The following KIR3DL2 variants were observed in gnomAD, a reference collection of about 807,000 sequenced individuals.
KIR3DL2 encodes the protein killer cell immunoglobulin like receptor, three Ig domains and long cytoplasmic tail 2.
Under a neutral mutation model 41.6 loss-of-function variants are expected in KIR3DL2, and 42 were observed. The ratio of observed to expected loss-of-function variants is 1.01; its 90% CI spans 0.79 to 1.31. KIR3DL2 has a LOEUF of 1.31. KIR3DL2 is among the 50% of genes most tolerant of loss of function. The pLI is 0.00. For synonymous variants in KIR3DL2, 230 were observed against 221.3 expected, an observed-to-expected ratio of 1.04 and a Z score of -0.35; for missense variants, 728 against 576.8, an observed-to-expected ratio of 1.26 and a Z score of -2.68.
chr19:54,852,614 A>G (rs2064375760), intron 3 of KIR3DL2, among the ~76,000 whole-genome samples: 1 of 150,528 alleles, frequency 6.6e-6, no homozygotes, highest in Non-Finnish European at 1.5e-5. Flanking sequence ...GGTCCGCGTG[A>G]GAGGTGGAGG....
At chr19:54,866,449 G>A (rs200460307) in intron 8 of KIR3DL2, 27 bp downstream of exon 8, 51 of 1,613,820 alleles carry the variant, frequency 3.2e-5, no homozygotes, top group African/African-American at 8.0e-5. Context: ...CCAGCCTCAC[G>A]GATACAGTCT....
chr19:54,866,365 T>C lies in KIR3DL2; in HGVS notation c.1106-5T>C. 2 of 1,613,972 alleles carry C rather than the reference T, an allele frequency of 1.2e-6. No homozygotes were observed. The highest frequency in any genetic ancestry group is 1.7e-6 in the Non-Finnish European group (2 of 1,179,950). On this transcript the variant is annotated splice_region_variant and splice_polypyrimidine_tract_variant and intron_variant, in intron 7 of 8. Coordinates refer to ENST00000326321, the MANE Select transcript of KIR3DL2 (RefSeq NM_006737.4). ...AGCGGTTTTGATGACTTCCGTCTCC[T>C]ACAGATGCTGCTGTAATGGACCAAG...
chr19:54,856,035 G>A (rs545249148), intron 5 of KIR3DL2, 123 bp downstream of exon 5: 28 of 1,231,898 alleles, frequency 2.3e-5, no homozygotes, highest in African/African-American at 1.7e-4. Context: ...GGGTGTGAGG[G>A]GGGGGTCAGG....
At chr19:54,858,544 C>G (rs1469860375) in intron 5 of KIR3DL2, among the ~76,000 whole-genome samples, 4 of 151,032 alleles carry the variant, frequency 2.6e-5, no homozygotes, top group African/African-American at 7.4e-5. Flanking sequence ...GGCTGGCCAA[C>G]AGAGTGAAAC....
intron 6 of KIR3DL2, among the ~76,000 whole-genome samples, chr19:54,863,573 T>C (rs1261097329): frequency 2.0e-5 from 3 of 152,126 alleles, no homozygotes; most frequent in Admixed American, 6.5e-5. Flanking sequence ...TGGTATCTCA[T>C]TGTGGTTTTG....
intron 6 of KIR3DL2, 105 bp downstream of exon 6, chr19:54,859,234 G>A: frequency 1.9e-6 from 2 of 1,047,478 alleles, no homozygotes; most frequent in South Asian, 1.3e-5. Context: ...ATGAGGGCCT[G>A]TCTTCCACCA....
At chr19:54,860,604 A>G (rs1293750237) in intron 6 of KIR3DL2, among the ~76,000 whole-genome samples, 2 of 151,996 alleles carry the variant, frequency 1.3e-5, no homozygotes, top group South Asian at 4.2e-4. Flanking sequence ...CAAATTCCCA[A>G]CCTCAGGTGA....
At chr19:54,866,058 C>A in intron 7 of KIR3DL2, 149 bp downstream of exon 7, 1 of 790,422 alleles carries the variant, frequency 1.3e-6, no homozygotes, top group Non-Finnish European at 2.1e-6. Flanking sequence ...GAGCACCAGA[C>A]AACCTGCCCC....
chr19:54,859,450 G>GAGGGAAGGGAAGGGA (rs199624001), intron 6 of KIR3DL2, among the ~76,000 whole-genome samples: 1 of 152,084 alleles, frequency 6.6e-6, no homozygotes, highest in African/African-American at 2.4e-5. Flanking sequence ...GGGCTTGAGA[G>GAGGGAAGGGAAGGGA]AGGGAAGGGA....
At chr19:54,860,656 T>G (rs2065104934) in intron 6 of KIR3DL2, among the ~76,000 whole-genome samples, 1 of 151,860 alleles carries the variant, frequency 6.6e-6, no homozygotes, top group South Asian at 2.1e-4. Context: ...ATAAGAGGCA[T>G]GAGCCACGGG....
At chr19:54,851,360 G>T in intron 2 of KIR3DL2, 105 bp downstream of exon 2, 1 of 1,284,038 alleles carries the variant, frequency 7.8e-7, no homozygotes, top group Non-Finnish European at 1.1e-6. Flanking sequence ...CTAGGAAGAG[G>T]GGACCCTTGG....
rs144006493 is a variant in KIR3DL2, at chr19:54,866,624, C to T, written c.1261C>T (p.Pro421Ser). 1.9e-5 allele frequency: 30 copies of T among 1,613,880 alleles called. No homozygotes were observed. In the African/African-American group the frequency reaches 2.8e-4, roughly 15 times the overall value. ...TCGCCCTTCTCAGAGGCCCAAGACA[C>T]CCCTAACAGATACCAGCGTGTACAC... ...ISRPSQRPKT[P>S]LTDTSVYTEL... Residue 421 changes from proline (P) to serine (S), a missense_variant, in exon 9 of 9, where the codon CCC becomes TCC. Pro to Ser is a moderately conservative substitution (Grantham distance 74). Transcript: ENST00000326321.
chr19:54,851,359 G>C, intron 2 of KIR3DL2, 104 bp downstream of exon 2: 3 of 1,284,426 alleles, frequency 2.3e-6, no homozygotes. Flanking sequence ...ACTAGGAAGA[G>C]GGGACCCTTG....
chr19:54,851,407 C>A, intron 2 of KIR3DL2, 152 bp downstream of exon 2: 1 of 726,216 alleles, frequency 1.4e-6, no homozygotes, highest in Admixed American at 2.6e-5. Flanking sequence ...CCCTCCCTGG[C>A]CTTTCTTTCC....
intron 5 of KIR3DL2, among the ~76,000 whole-genome samples, chr19:54,856,999 T>C (rs1354443925): frequency 6.6e-6 from 1 of 152,148 alleles, no homozygotes; most frequent in African/African-American, 2.4e-5. Flanking sequence ...AACAGTCATA[T>C]GAGTGCAGAT....
intron 6 of KIR3DL2, among the ~76,000 whole-genome samples, chr19:54,864,443 TG>T (rs1468323510): frequency 6.6e-6 from 1 of 152,140 alleles, no homozygotes; most frequent in Non-Finnish European, 1.5e-5. Flanking sequence ...TAAATTACCT[TG>T]GGCAGTATGG....
intron 3 of KIR3DL2, 66 bp downstream of exon 3, chr19:54,852,348 G>T (rs1476372021): frequency 1.9e-5 from 30 of 1,571,334 alleles, no homozygotes; most frequent in Non-Finnish European, 2.4e-5. Flanking sequence ...TCTGGTGGGG[G>T]TGTCCATCAG....
At chr19:54,852,916 C>T (rs1160682233) in intron 3 of KIR3DL2, among the ~76,000 whole-genome samples, 70 of 151,030 alleles carry the variant, frequency 4.6e-4, no homozygotes, top group African/African-American at 1.4e-3. Context: ...AACAGGAAAC[C>T]GACACAGGAA....
At chr19:54,856,506 A>C (rs2064791882) in intron 5 of KIR3DL2, among the ~76,000 whole-genome samples, 1 of 151,570 alleles carries the variant, frequency 6.6e-6, no homozygotes, top group Admixed American at 6.6e-5. Context: ...CATGCGGGAA[A>C]TTCATCTTTA....
Sources: gnomAD v4.1 joint callset for allele counts (sites outside exome capture counted in the v4.1 genomes callset) on GRCh38, gnomAD v4.1.1 for gene constraint, MANE v1.5 for transcripts, NCBI Gene and HGNC (gene_info 2026-07-23, HGNC 2026-07-21) for gene names.